The following BSND variants were observed in gnomAD, a reference collection of about 807,000 sequenced individuals.
BSND encodes the protein barttin CLCNK type accessory subunit beta, also known as barttin.
BSND carries 13 observed loss-of-function variants against 18.8 expected under a neutral mutation model. That is an observed-to-expected ratio of 0.69 (90% CI 0.45 to 1.10). The LOEUF (loss-of-function observed/expected upper bound fraction) is 1.10. Ranked by LOEUF, BSND falls within the 50% of genes least tolerant of loss-of-function variation. The pLI, the probability that BSND is intolerant of heterozygous loss-of-function variation, is 0.00. For missense variants in BSND, 379 were observed against 416.7 expected, an observed-to-expected ratio of 0.91 and a Z score of 0.79; for synonymous variants, 170 against 161.8, an observed-to-expected ratio of 1.05 and a Z score of -0.39.
In BSND at chr1:55,008,939, T is replaced by C; in HGVS notation, c.*311T>C. ...GCTGACCTCTGAGAGGAACCTTCCTTGGTGCTCCCTCTGGGCCCCTGATCC... is the reference window on the plus strand; with the variant it reads ...GCTGACCTCTGAGAGGAACCTTCCTCGGTGCTCCCTCTGGGCCCCTGATCC... On this transcript the variant is annotated 3_prime_UTR_variant, in exon 4 of 4. Transcript: ENST00000651561. The C allele has an allele frequency of 2.3e-6, 1 of 442,240 alleles. No individual in the cohort carries two copies. The highest frequency in any genetic ancestry group is 2.1e-5 in the South Asian group (1 of 47,070). 27.4% of individuals were successfully genotyped at this position (442,240 alleles called of 1,614,324 possible).
At position 55,013,162 on chromosome 1, in the gene BSND, G is replaced by T. The variant is rs1557488133; in HGVS notation, c.*4534G>T. Among the ~76,000 whole-genome samples, 2 of 151,994 alleles carry T rather than the reference G, an allele frequency of 1.3e-5. No homozygotes were observed. Among genetic ancestry groups the T allele is most frequent in the South Asian group, 2.1e-4 (1 of 4,822 alleles). On this transcript the variant is annotated 3_prime_UTR_variant, in exon 4 of 4. Transcript: ENST00000651561. ...TGTATTGTCCCCATTTTATTTTTAT[G>T]TATTTATTTATTTATTTTGAGATGG...
intron 1 of BSND, among the ~76,000 whole-genome samples, chr1:55,002,399 C>G (rs1183958661): frequency 1.3e-5 from 2 of 152,182 alleles, no homozygotes; most frequent in East Asian, 3.9e-4. Flanking sequence ...GCAGGGAGAG[C>G]AGGGTCTCTG....
In BSND at chr1:54,999,211, A is replaced by T; in HGVS notation, c.25A>T (p.Ile9Phe). MADEKTFR[I>F]GFIVLGLFLL... ...CATGGCTGACGAGAAGACCTTCCGG[A>T]TCGGCTTCATTGTGCTGGGGCTTTT... The change falls in exon 1 of 4, where the codon ATC becomes TTC. Residue 9 changes from isoleucine to phenylalanine, a missense_variant. Ile to Phe is a conservative substitution (Grantham distance 21). Coordinates refer to ENST00000651561, the MANE Select transcript of BSND (RefSeq NM_057176.3). 1.2e-6 allele frequency: 2 copies of T among 1,614,046 alleles called. No homozygotes were observed. Among genetic ancestry groups the T allele is most frequent in the Non-Finnish European group, 1.7e-6 (2 of 1,180,006 alleles).
In BSND at chr1:55,008,753, G is replaced by GAGAA. The variant is rs1182923006; in HGVS notation, c.*126_*129dup. ...AGGTTCAATGAGATGGTGGCATTTT[G>GAGAA]AGAATGGTAAAGAAATACACAGGGA... On this transcript the variant is annotated 3_prime_UTR_variant, in exon 4 of 4. Transcript: ENST00000651561. The GAGAA allele has an allele frequency of 2.2e-5, 30 of 1,391,812 alleles. No homozygotes were observed. Among genetic ancestry groups the GAGAA allele is most frequent in the Non-Finnish European group, 2.8e-5 (28 of 993,116 alleles). The allele number at this position is 1,391,812 out of a possible 1,614,324, so 86.2% of individuals were successfully genotyped here.
rs557428423 is a variant in BSND, at chr1:55,015,203, G to A, written c.*6575G>A. On this transcript the variant is annotated 3_prime_UTR_variant, in exon 4 of 4. Coordinates refer to ENST00000651561, the MANE Select transcript of BSND (RefSeq NM_057176.3). The stretch of plus-strand genomic sequence containing the variant: ...GAAGGCTGGTTTGTGCCCTGCGGCA[G>A]GGATTTCATTCTCAACCTGCCCTGT... 5.2e-5 allele frequency among the ~76,000 whole-genome samples: 8 copies of A among 152,382 alleles called. No homozygotes were observed. The East Asian group carries it at 1.3e-3, about 26-fold the overall frequency.
Position 55,013,533 on chromosome 1 carries a change from G to T in BSND, c.*4905G>T, listed in dbSNP as rs868027732. 6.6e-6 allele frequency among the ~76,000 whole-genome samples: 1 copy of T among 152,158 alleles called. No individual in the cohort carries two copies. The highest frequency in any genetic ancestry group is 2.4e-5 in the African/African-American group (1 of 41,414). ...AATTTGCCCATCCTTGCGGAGAAGA[G>T]CTAAATGGAGGAGAGGAGGTAGAGC... On this transcript the variant is annotated 3_prime_UTR_variant, in exon 4 of 4. Coordinates refer to ENST00000651561, the MANE Select transcript of BSND (RefSeq NM_057176.3).
In BSND at chr1:55,016,713, G is replaced by A. The variant is rs1203592541; in HGVS notation, c.*8085G>A. Among the ~76,000 whole-genome samples the A allele has an allele frequency of 1.3e-5, 2 of 152,196 alleles. No individual in the cohort carries two copies. Among genetic ancestry groups the A allele is most frequent in the African/African-American group, 4.8e-5 (2 of 41,460 alleles). ...GCCTCCTGAGTAGCTGGGATTACAG[G>A]AGCACACCACAGTGCCTGGCTTTAT... On this transcript the variant is annotated 3_prime_UTR_variant, in exon 4 of 4. Transcript: ENST00000651561.
intron 2 of BSND, among the ~76,000 whole-genome samples, chr1:55,005,425 AT>A (rs1348120068): frequency 6.6e-6 from 1 of 152,234 alleles, no homozygotes; most frequent in Non-Finnish European, 1.5e-5. Flanking sequence ...ATACAGTGCA[AT>A]AGAGTCACAG....
Position 55,008,229 on chromosome 1 carries a change from C to A in BSND, c.564C>A (p.Pro188=). The A allele has an allele frequency of 6.2e-7, 1 of 1,614,176 alleles. No individual in the cohort carries two copies. The highest frequency in any genetic ancestry group is 8.5e-7 in the Non-Finnish European group (1 of 1,180,036). Reference sequence around the variant, plus strand: ...GTCCCTGCAGCCCCCTGGCCTGTCCCCAGGGCCCTGCCCCCTTGGCTTCCT... The same window carrying A: ...GTCCCTGCAGCCCCCTGGCCTGTCCACAGGGCCCTGCCCCCTTGGCTTCCT... The part of the protein sequence containing the change: ...TQSWPGPLAC[P]QGPAPLASFQ... Residue 188 remains proline, a synonymous_variant, in exon 4 of 4, where the codon CCC becomes CCA. Coordinates refer to ENST00000651561, the MANE Select transcript of BSND (RefSeq NM_057176.3).
intron 1 of BSND, among the ~76,000 whole-genome samples, chr1:55,001,567 C>A (rs889804683): frequency 2.0e-5 from 3 of 152,064 alleles, no homozygotes; most frequent in African/African-American, 7.2e-5. Context: ...GCTCTCTGTG[C>A]CAGACCTATG....
In BSND at chr1:55,008,432, G is replaced by T. The variant is rs796666396; in HGVS notation, c.767G>T (p.Gly256Val). ...APTLEDEPQE[G>V]QQWEIALPNN... is the part of the protein sequence containing the mutation. ...ACGTTGGAGGATGAGCCCCAAGAGG[G>T]GCAGCAGTGGGAAATAGCCCTGCCC... is the stretch of plus-strand genomic sequence containing the variant. Residue 256 changes from glycine (G) to valine (V), a missense_variant, in exon 4 of 4, where the codon GGG (glycine) becomes GTG (valine). Coordinates refer to ENST00000651561, the MANE Select transcript of BSND (RefSeq NM_057176.3). 4.3e-6 allele frequency: 7 copies of T among 1,614,180 alleles called. No homozygotes were observed. In the South Asian group the frequency reaches 6.6e-5, roughly 15 times the overall value.
At chr1:55,007,332 G>A in intron 3 of BSND, 60 bp downstream of exon 3, 1 of 1,392,784 alleles carries the variant, frequency 7.2e-7, no homozygotes. Context: ...AAAAGGAGAG[G>A]AGTGGGGGAC....
Position 55,013,203 on chromosome 1 carries a change from G to C in BSND, c.*4575G>C, listed in dbSNP as rs1240941009. On this transcript the variant is annotated 3_prime_UTR_variant, in exon 4 of 4. Coordinates refer to ENST00000651561, the MANE Select transcript of BSND (RefSeq NM_057176.3). ...TTTGAGATGGAGTGTTGCGCTTGTT[G>C]CCCAGGCTAGAGTGCAATGGCGCAA... Among the ~76,000 whole-genome samples the C allele has an allele frequency of 6.6e-6, 1 of 152,038 alleles. No individual in the cohort carries two copies. The highest frequency in any genetic ancestry group is 2.4e-5 in the African/African-American group (1 of 41,374).
Position 55,007,095 on chromosome 1 carries a change from A to G in BSND, c.371A>G (p.Tyr124Cys), listed in dbSNP as rs755227169. ...CACATCCAGATGAAAGTCATGAGCT[A>G]CAGTGAGGACCACCGCTCCTTGCTG... ...FSHIQMKVMS[Y>C]SEDHRSLLAP... Residue 124 changes from tyrosine to cysteine, a missense_variant, in exon 3 of 4, where the codon TAC (tyrosine) becomes TGC (cysteine). Physicochemically the swap from Tyr to Cys is radical, Grantham distance 194. Coordinates refer to ENST00000651561, the MANE Select transcript of BSND (RefSeq NM_057176.3). 1.4e-5 allele frequency: 23 copies of G among 1,614,044 alleles called. No individual in the cohort carries two copies.
chr1:55,000,545 A>G (rs928519792), intron 1 of BSND, among the ~76,000 whole-genome samples: 1 of 151,768 alleles, frequency 6.6e-6, no homozygotes. Flanking sequence ...CAACCCCCAC[A>G]CCTCCTCTCC....
chr1:55,004,019 T>C (rs1000422412), intron 1 of BSND, among the ~76,000 whole-genome samples: 17 of 152,228 alleles, frequency 1.1e-4, no homozygotes. Flanking sequence ...TCCCACTCTC[T>C]AGCCCCTGGC....
intron 3 of BSND, 21 bp downstream of exon 3, chr1:55,007,293 A>G: frequency 7.6e-7 from 1 of 1,307,652 alleles, no homozygotes; most frequent in Non-Finnish European, 1.0e-6. Context: ...AGAGGGCAGG[A>G]GTGGGGCTTC....
In BSND at chr1:55,011,490, T is replaced by C. The variant is rs1158841747; in HGVS notation, c.*2862T>C. On this transcript the variant is annotated 3_prime_UTR_variant, in exon 4 of 4. Transcript: ENST00000651561. Reference sequence around the variant, plus strand: ...ATGGGGGTGTTTGATGGGACCTATCTTGTCAATGCCCTGCAGCCAAAGACC... The same window carrying C: ...ATGGGGGTGTTTGATGGGACCTATCCTGTCAATGCCCTGCAGCCAAAGACC... 6.6e-6 allele frequency: 1 copy of C among 152,222 alleles called. No individual in the cohort carries two copies. Among genetic ancestry groups the C allele is most frequent in the African/African-American group, 2.4e-5 (1 of 41,448 alleles). The allele number at this position is 152,222 out of a possible 1,614,324, so 9.4% of individuals were successfully genotyped here.
rs1644394643 is a variant in BSND at position 55,007,023 on chromosome 1, G to C, written c.299G>C (p.Arg100Thr). 6.2e-7 allele frequency: 1 copy of C among 1,614,140 alleles called. No individual in the cohort carries two copies. The highest frequency in any genetic ancestry group is 8.5e-7 in the Non-Finnish European group (1 of 1,180,038). ...CCCAGTCCCCAGCCGCCCTATGTAAGGCTGTGGGAGGAAGCCGCCTATGAC... is the reference window on the plus strand; with the variant it reads ...CCCAGTCCCCAGCCGCCCTATGTAACGCTGTGGGAGGAAGCCGCCTATGAC... ...KSPSPQPPYV[R>T]LWEEAAYDQS... is the part of the protein sequence containing the mutation. The change falls in exon 3 of 4, where the codon AGG (arginine) becomes ACG (threonine). Residue 100 changes from arginine (R) to threonine (T), a missense_variant. Transcript: ENST00000651561.
Sources: gnomAD v4.1 joint callset for allele counts (sites outside exome capture counted in the v4.1 genomes callset) on GRCh38, gnomAD v4.1.1 for gene constraint, MANE v1.5 for transcripts, NCBI Gene and HGNC (gene_info 2026-07-23, HGNC 2026-07-21) for gene names.